Variants in KCNJ6 observed in about 807,000 individuals in gnomAD.
The protein encoded by KCNJ6 is potassium inwardly rectifying channel subfamily J member 6.
Under a neutral mutation model 34.2 loss-of-function variants are expected in KCNJ6, and 9 were observed. The ratio of observed to expected loss-of-function variants is 0.26; its 90% CI spans 0.16 to 0.46. The LOEUF is 0.46. Ranked by LOEUF, KCNJ6 falls within the 20% of genes least tolerant of loss-of-function variation. The pLI is 1.00. For missense variants in KCNJ6, 236 were observed against 531.3 expected, an observed-to-expected ratio of 0.44 and a Z score of 5.46; for synonymous variants, 196 against 207.1, an observed-to-expected ratio of 0.95 and a Z score of 0.46.
intron 2 of KCNJ6, among the ~76,000 whole-genome samples, chr21:37,744,035 A>G (rs1462133904): frequency 6.6e-6 from 1 of 151,816 alleles, no homozygotes; most frequent in Non-Finnish European, 1.5e-5. Flanking sequence ...ACACTACTCT[A>G]TCAATAATGG....
intron 1 of KCNJ6, among the ~76,000 whole-genome samples, chr21:37,859,196 A>G (rs1335152656): frequency 6.6e-6 from 1 of 152,120 alleles, no homozygotes. Flanking sequence ...GGTAATTACT[A>G]TGGAAAAATT....
intron 3 of KCNJ6, among the ~76,000 whole-genome samples, chr21:37,639,942 G>A (rs1034337491): frequency 2.0e-5 from 3 of 152,170 alleles, no homozygotes; most frequent in African/African-American, 4.8e-5. Context: ...GGCTTCCCCA[G>A]AATCTGATGC....
chr21:37,812,195 TA>T (rs2123543826), intron 2 of KCNJ6, among the ~76,000 whole-genome samples: 1 of 152,268 alleles, frequency 6.6e-6, no homozygotes, highest in African/African-American at 2.4e-5. Flanking sequence ...CCTGTTACCC[TA>T]GTGTTTGGGG....
At chr21:37,876,704 G>A (rs934376932) in intron 1 of KCNJ6, among the ~76,000 whole-genome samples, 10 of 150,610 alleles carry the variant, frequency 6.6e-5, no homozygotes, top group African/African-American at 2.5e-4. Flanking sequence ...GAACAAACAG[G>A]CTCACTATGA....
intron 2 of KCNJ6, among the ~76,000 whole-genome samples, chr21:37,783,228 AT>A (rs2055177872): frequency 6.6e-6 from 1 of 152,220 alleles, no homozygotes; most frequent in Non-Finnish European, 1.5e-5. Flanking sequence ...CTAACCACGG[AT>A]GAGGGCGTGC....
At chr21:37,810,841 C>T (rs73206071) in intron 2 of KCNJ6, among the ~76,000 whole-genome samples, 1,565 of 152,240 alleles carry the variant, frequency 0.01, 15 homozygotes, top group Middle Eastern at 0.014. Flanking sequence ...TGAGCAATAG[C>T]GGTGCTAAGG....
intron 3 of KCNJ6, among the ~76,000 whole-genome samples, chr21:37,709,743 G>C (rs1306955100): frequency 2.6e-5 from 4 of 152,072 alleles, no homozygotes; most frequent in Admixed American, 6.5e-5. Context: ...CTGTGAAATG[G>C]GCAAAGATTC....
In KCNJ6 at chr21:37,611,200, G is replaced by C. The variant is rs1372174261; in HGVS notation, c.*13959C>G. 6.6e-6 allele frequency: 1 copy of C among 151,946 alleles called. No individual in the cohort carries two copies. Among genetic ancestry groups the C allele is most frequent in the Non-Finnish European group, 1.5e-5 (1 of 67,972 alleles). The allele number at this position is 151,946 out of a possible 1,614,324, so 9.4% of individuals were successfully genotyped here. A position where few individuals can be genotyped will look rare whatever the true frequency, so the allele number is the denominator to read the frequency against. ...TAAAAGGATAATAAAAGATAATGAA[G>C]GAATTTTATGAATGACTTTATACCC... On this transcript the variant is annotated 3_prime_UTR_variant, in exon 4 of 4. Transcript: ENST00000609713.
At chr21:37,796,440 T>C (rs1475768175) in intron 2 of KCNJ6, among the ~76,000 whole-genome samples, 1 of 152,212 alleles carries the variant, frequency 6.6e-6, no homozygotes, top group Non-Finnish European at 1.5e-5. Flanking sequence ...TCCAGGCCAG[T>C]AGCCTGACCT....
chr21:37,859,732 A>G (rs1447144440), intron 1 of KCNJ6, among the ~76,000 whole-genome samples: 5 of 151,310 alleles, frequency 3.3e-5, no homozygotes, highest in African/African-American at 1.2e-4. Context: ...TGTGTCTGAA[A>G]TTTCTTGATT....
rs2054286205 is a variant in KCNJ6, at chr21:37,620,303, G to C, written c.*4856C>G. 6.6e-6 allele frequency: 1 copy of C among 152,064 alleles called. No individual in the cohort carries two copies. Among genetic ancestry groups the C allele is most frequent in the Non-Finnish European group, 1.5e-5 (1 of 68,028 alleles). 9.4% of individuals were successfully genotyped at this position (152,064 alleles called of 1,614,324 possible). On this transcript the variant is annotated 3_prime_UTR_variant, in exon 4 of 4. Transcript: ENST00000609713. ...TATTTCAATCTTTGCTGGCCACACG[G>C]TCTCTGTTGTAATTACTCAGCTCTG...
rs1472007016 is a variant in KCNJ6, at chr21:37,776,776, C to T, written c.26-61645G>A. ...AGTATTTTATTGAGGATTTTTGTAT[C>T]GATGTTCATCAGGGATATTGGTCTA... On this transcript the variant is annotated intron_variant, in intron 2 of 3. Coordinates refer to ENST00000609713, the MANE Select transcript of KCNJ6 (RefSeq NM_002240.5). 3.9e-5 allele frequency among the ~76,000 whole-genome samples: 6 copies of T among 152,196 alleles called. No homozygotes were observed. The South Asian group carries it at 1.0e-3, about 26-fold the overall frequency.
At chr21:37,867,155 CTTA>C (rs2055626724) in intron 1 of KCNJ6, among the ~76,000 whole-genome samples, 1 of 152,084 alleles carries the variant, frequency 6.6e-6, no homozygotes, top group Non-Finnish European at 1.5e-5. Context: ...ATATGATTTC[CTTA>C]TTAATTAATA....
chr21:37,744,093 A>T (rs2054954544), intron 2 of KCNJ6, among the ~76,000 whole-genome samples: 1 of 145,648 alleles, frequency 6.9e-6, no homozygotes, highest in South Asian at 2.2e-4. Flanking sequence ...GTTCTCACTC[A>T]TAGGTGGGAA....
At position 37,625,456 on chromosome 21, in the gene KCNJ6, G is replaced by A; in HGVS notation, c.975C>T (p.Tyr325=). The change falls in exon 4 of 4, where the codon TAC becomes TAT. Residue 325 remains tyrosine (Y), a synonymous_variant. Transcript: ENST00000609713. ...TGMTCQARSS[Y]ITSEILWGYR... The stretch of plus-strand genomic sequence containing the variant: ...AACCCCACAGGATCTCACTGGTGAT[G>A]TAGGAGCTTCGAGCTTGGCATGTCA... The A allele has an allele frequency of 1.2e-6, 2 of 1,613,532 alleles. No individual in the cohort carries two copies.
chr21:37,795,729 C>A, intron 2 of KCNJ6, among the ~76,000 whole-genome samples: 1 of 143,850 alleles, frequency 7.0e-6, no homozygotes, highest in Non-Finnish European at 1.5e-5. Flanking sequence ...AGGGAAACTC[C>A]GTCTCAAAAA....
chr21:37,842,336 C>T (rs974584406), intron 1 of KCNJ6, among the ~76,000 whole-genome samples: 4 of 152,184 alleles, frequency 2.6e-5, no homozygotes, highest in Non-Finnish European at 5.9e-5. Context: ...GTTTGGCTAA[C>T]ACTTGAAATG....
chr21:37,685,908 T>C lies in KCNJ6; in HGVS notation c.946+28303A>G, dbSNP rs549848598. Among the ~76,000 whole-genome samples, 12 of 152,154 alleles carry C rather than the reference T, an allele frequency of 7.9e-5. No homozygotes were observed. The South Asian group carries it at 2.5e-3, about 32-fold the overall frequency. On this transcript the variant is annotated intron_variant, in intron 3 of 3. Coordinates refer to ENST00000609713, the MANE Select transcript of KCNJ6 (RefSeq NM_002240.5). ...TATATGTTAAATTAATAAAAAGCAG[T>C]TGACCATATACAAAATCATCCACTT...
chr21:37,896,382 G>A (rs192478042), intron 1 of KCNJ6, among the ~76,000 whole-genome samples: 90 of 152,292 alleles, frequency 5.9e-4, no homozygotes, highest in Middle Eastern at 3.4e-3. Flanking sequence ...GAAGCCCTTC[G>A]TAGGGTGCCA....
Sources: gnomAD v4.1 joint callset for allele counts (sites outside exome capture counted in the v4.1 genomes callset) on GRCh38, gnomAD v4.1.1 for gene constraint, MANE v1.5 for transcripts, NCBI Gene and HGNC (gene_info 2026-07-23, HGNC 2026-07-21) for gene names.